UBE2QL1: variants seen among roughly 807,000 people sequenced by gnomAD.
UBE2QL1 encodes ubiquitin conjugating enzyme E2 QL1, also known as ubiquitin-conjugating enzyme E2Q-like protein 1.
A neutral mutation model predicts 12.6 loss-of-function variants in UBE2QL1; 5 were observed. The observed-to-expected ratio is 0.40, with a 90% CI of 0.21 to 0.83. The LOEUF is 0.83. UBE2QL1 is among the 40% of genes least tolerant of loss of function. The pLI is 0.37. For missense variants in UBE2QL1, 99 were observed against 222.6 expected (o/e 0.44, Z 3.53); for synonymous variants, 96 against 94.5 (o/e 1.02, Z -0.10).
intron 1 of UBE2QL1, among the ~76,000 whole-genome samples, chr5:6,466,255 C>T (rs1276804981): frequency 6.6e-6 from 1 of 152,258 alleles, no homozygotes; most frequent in Non-Finnish European, 1.5e-5. Context: ...ACCAGGCAGC[C>T]ATCATGGGGA....
At position 6,484,830 on chromosome 5, in the gene UBE2QL1, A is replaced by T. The variant is rs138023069; in HGVS notation, c.355-6388A>T. Among the ~76,000 whole-genome samples, 11 of 151,804 alleles carry T rather than the reference A, an allele frequency of 7.2e-5. No homozygotes were observed. In the East Asian group the frequency reaches 2.2e-3, roughly 30 times the overall value. Reference sequence around the variant, plus strand: ...TTAGTGCTGGGTCGGGTTCTGACAGATTCGGAACCCACCAGGCTGAAGCTC... The same window carrying T: ...TTAGTGCTGGGTCGGGTTCTGACAGTTTCGGAACCCACCAGGCTGAAGCTC... On this transcript the variant is annotated intron_variant, in intron 1 of 1. Coordinates refer to ENST00000399816, the MANE Select transcript of UBE2QL1 (RefSeq NM_001145161.3).
At chr5:6,469,540 A>G (rs1286167490) in intron 1 of UBE2QL1, among the ~76,000 whole-genome samples, 2 of 147,246 alleles carry the variant, frequency 1.4e-5, no homozygotes, top group Admixed American at 1.4e-4. Context: ...ATATCCTTAG[A>G]TTATACATAT....
At chr5:6,480,074 C>T (rs917568316) in intron 1 of UBE2QL1, among the ~76,000 whole-genome samples, 5 of 152,270 alleles carry the variant, frequency 3.3e-5, no homozygotes, top group South Asian at 4.1e-4. Flanking sequence ...TCACTTTTTT[C>T]GTTTGTGTTT....
In UBE2QL1 at chr5:6,463,902, C is replaced by G. The variant is rs535460217; in HGVS notation, c.354+14655C>G. 7.9e-5 allele frequency among the ~76,000 whole-genome samples: 12 copies of G among 152,216 alleles called. No homozygotes were observed. The South Asian group carries it at 2.3e-3, about 29-fold the overall frequency. On this transcript the variant is annotated intron_variant, in intron 1 of 1. Coordinates refer to ENST00000399816, the MANE Select transcript of UBE2QL1 (RefSeq NM_001145161.3). ...TCGGCCTCCCAGAGTGCTGGGATTA[C>G]AGGCATGAGCCACCGCGCCCAGCCT...
At position 6,492,857 on chromosome 5, in the gene UBE2QL1, G is replaced by A. The variant is rs1187318108; in HGVS notation, c.*1508G>A. 1 of 152,214 alleles carries A rather than the reference G, an allele frequency of 6.6e-6. No individual in the cohort carries two copies. Among genetic ancestry groups the A allele is most frequent in the Non-Finnish European group, 1.5e-5 (1 of 68,034 alleles). 9.4% of individuals were successfully genotyped at this position (152,214 alleles called of 1,614,324 possible). A position where few individuals can be genotyped will look rare whatever the true frequency, so the allele number is the denominator to read the frequency against. On this transcript the variant is annotated 3_prime_UTR_variant, in exon 2 of 2. Transcript: ENST00000399816. ...GCCAATTGTATCTTACTGCTGTGAA[G>A]GAGGAAAAGTCTTCCGGGATAATGT...
intron 1 of UBE2QL1, among the ~76,000 whole-genome samples, chr5:6,483,331 T>G (rs1734401198): frequency 6.6e-6 from 1 of 151,800 alleles, no homozygotes; most frequent in Non-Finnish European, 1.5e-5. Context: ...CCCAGCTACT[T>G]GGGAGGCTGA....
chr5:6,459,219 G>A (rs1474253370), intron 1 of UBE2QL1, among the ~76,000 whole-genome samples: 1 of 152,040 alleles, frequency 6.6e-6, no homozygotes, highest in Non-Finnish European at 1.5e-5. Context: ...ATACAAGACT[G>A]CTACTCTAAC....
At chr5:6,462,018 T>G (rs1395495298) in intron 1 of UBE2QL1, among the ~76,000 whole-genome samples, 1 of 152,154 alleles carries the variant, frequency 6.6e-6, no homozygotes, top group African/African-American at 2.4e-5. Context: ...CTTGACCTTA[T>G]TGGCCATGAT....
chr5:6,453,913 CT>C (rs1455499158), intron 1 of UBE2QL1, among the ~76,000 whole-genome samples: 1 of 152,168 alleles, frequency 6.6e-6, no homozygotes, highest in African/African-American at 2.4e-5. Flanking sequence ...ACAGGGTCCC[CT>C]CTATCACCCA....
In UBE2QL1 at chr5:6,479,777, C is replaced by T. The variant is rs1734321258; in HGVS notation, c.355-11441C>T. 1.3e-5 allele frequency among the ~76,000 whole-genome samples: 2 copies of T among 152,196 alleles called. No homozygotes were observed. Among genetic ancestry groups the T allele is most frequent in the Admixed American group, 6.5e-5 (1 of 15,290 alleles). ...TTCTGGTCCTGGCCAAAATGACAAACACAGACTGCCCCCATCATCTCGGGA... is the reference window on the plus strand; with the variant it reads ...TTCTGGTCCTGGCCAAAATGACAAATACAGACTGCCCCCATCATCTCGGGA... On this transcript the variant is annotated intron_variant, in intron 1 of 1. Transcript: ENST00000399816. This position sits in a 1 kb window ranked among gnomAD's most constrained non-coding sequence, Gnocchi z 4.2.
chr5:6,449,870 C>A lies in UBE2QL1; in HGVS notation c.354+623C>A, dbSNP rs530733858. Among the ~76,000 whole-genome samples the A allele has an allele frequency of 4.1e-5, 6 of 145,272 alleles. 1 individual carries two copies. The highest frequency in any genetic ancestry group is 2.0e-4 in the East Asian group (1 of 4,958). On this transcript the variant is annotated intron_variant, in intron 1 of 1. Coordinates refer to ENST00000399816, the MANE Select transcript of UBE2QL1 (RefSeq NM_001145161.3). ...CTAGCTGATCTCCCACCTCCCCAAC[C>A]CCCCCCACACACACACACACAAGGC... is the stretch of plus-strand genomic sequence containing the variant.
chr5:6,472,478 G>T (rs1011865854), intron 1 of UBE2QL1, among the ~76,000 whole-genome samples: 1 of 152,122 alleles, frequency 6.6e-6, no homozygotes, highest in Non-Finnish European at 1.5e-5. Context: ...TTTGCCCCTT[G>T]ACAGGACCCT....
intron 1 of UBE2QL1, among the ~76,000 whole-genome samples, chr5:6,470,773 C>G (rs1739897955): frequency 6.6e-6 from 1 of 152,212 alleles, no homozygotes; most frequent in African/African-American, 2.4e-5. Context: ...GGGGACTGTC[C>G]TGTGTATCAT....
chr5:6,470,099 C>T (rs1358924930), intron 1 of UBE2QL1, among the ~76,000 whole-genome samples: 6 of 152,128 alleles, frequency 3.9e-5, no homozygotes, highest in Non-Finnish European at 7.4e-5. Flanking sequence ...CCTCTAAAGG[C>T]TCATGGTTAT....
chr5:6,481,640 A>G lies in UBE2QL1; in HGVS notation c.355-9578A>G, dbSNP rs1386012852. On this transcript the variant is annotated intron_variant, in intron 1 of 1. Coordinates refer to ENST00000399816, the MANE Select transcript of UBE2QL1 (RefSeq NM_001145161.3). The surrounding 1 kb of genome is among the most constrained non-coding windows in gnomAD (Gnocchi z 4.5). ...CCTAGAAACCTGTTCCTCCTGGGTCAGAAGCCTGGAGTGGCTCGGGCCTCC... is the reference window on the plus strand; with the variant it reads ...CCTAGAAACCTGTTCCTCCTGGGTCGGAAGCCTGGAGTGGCTCGGGCCTCC... Among the ~76,000 whole-genome samples the G allele has an allele frequency of 6.6e-6, 1 of 152,240 alleles. No individual in the cohort carries two copies. Among genetic ancestry groups the G allele is most frequent in the East Asian group, 1.9e-4 (1 of 5,194 alleles).
chr5:6,472,702 C>T (rs1429987448), intron 1 of UBE2QL1, among the ~76,000 whole-genome samples: 1 of 152,166 alleles, frequency 6.6e-6, no homozygotes, highest in Non-Finnish European at 1.5e-5. Context: ...AAGTGTTAGA[C>T]ATCACAAATA....
intron 1 of UBE2QL1, among the ~76,000 whole-genome samples, chr5:6,454,083 A>G (rs936283382): frequency 3.3e-5 from 5 of 152,058 alleles, no homozygotes; most frequent in African/African-American, 4.8e-5. Flanking sequence ...GGGTCTCACT[A>G]TGTTGCCCAG....
At chr5:6,485,442 C>T (rs145819412) in intron 1 of UBE2QL1, among the ~76,000 whole-genome samples, 164 of 152,282 alleles carry the variant, frequency 1.1e-3, no homozygotes, top group African/African-American at 3.7e-3. Flanking sequence ...CTTTCCAAAG[C>T]GGACCTCCTT....
At chr5:6,463,218 G>T (rs1015059171) in intron 1 of UBE2QL1, among the ~76,000 whole-genome samples, 2 of 152,140 alleles carry the variant, frequency 1.3e-5, no homozygotes, top group African/African-American at 2.4e-5. Context: ...ATTTCAAATT[G>T]TGCTAGAAGG....
Sources: gnomAD v4.1 joint callset for allele counts (sites outside exome capture counted in the v4.1 genomes callset) on GRCh38, gnomAD v4.1.1 for gene constraint, Gnocchi (gnomAD v3.1) non-coding constraint, MANE v1.5 for transcripts, NCBI Gene and HGNC (gene_info 2026-07-23, HGNC 2026-07-21) for gene names.